ALG13: variants seen among roughly 807,000 people sequenced by gnomAD.
ALG13 encodes ALG13 UDP-N-acetylglucosaminyltransferase subunit, also known as UDP-N-acetylglucosamine transferase subunit ALG13.
In ALG13, 11 loss-of-function variants were observed where a neutral mutation model predicts 87.8. That is an observed-to-expected ratio of 0.13 (90% CI 0.08 to 0.21). The LOEUF (loss-of-function observed/expected upper bound fraction) is 0.21, where lower values mean the gene tolerates loss of function less well. ALG13 is among the 10% of genes least tolerant of loss of function. The pLI is 1.00. For synonymous variants in ALG13, 320 were observed against 306.3 expected (o/e 1.04, Z -0.47); for missense variants, 756 against 866.1 (o/e 0.87, Z 1.60).
chrX:111,715,188 T>TG (rs2148071749), intron 8 of ALG13, among the ~76,000 whole-genome samples: 1 of 111,960 alleles, frequency 8.9e-6, no homozygotes, highest in South Asian at 3.7e-4. Flanking sequence ...TCAGACCTTT[T>TG]GAGTGTGTAC....
intron 25 of ALG13, 124 bp from the exon 26 acceptor site, chrX:111,757,464 C>CCT: frequency 2.0e-6 from 1 of 498,997 alleles, no homozygotes; most frequent in Non-Finnish European, 3.1e-6. Context: ...GTCATTGCTA[C>CCT]CTCACCTGAA....
At chrX:111,707,798 C>T (rs1225359271) in intron 3 of ALG13, among the ~76,000 whole-genome samples, 5 of 111,684 alleles carry the variant, frequency 4.5e-5, no homozygotes, top group East Asian at 2.8e-4. Flanking sequence ...TTTTCAGCCT[C>T]GTGCAGCAGT....
At chrX:111,702,424 G>A (rs1938042807) in intron 3 of ALG13, among the ~76,000 whole-genome samples, 1 of 111,605 alleles carries the variant, frequency 9.0e-6, no homozygotes, top group African/African-American at 3.3e-5. Context: ...GCCATGTAGT[G>A]TTCAATGATT....
At chrX:111,689,145 G>A (rs973063736) in intron 3 of ALG13, 2 of 674,583 alleles carry the variant, frequency 3.0e-6, no homozygotes, top group African/African-American at 4.8e-5. Flanking sequence ...AATACTCTGG[G>A]TAGCAGGAGG....
chrX:111,744,322 T>A (rs1439182850), intron 23 of ALG13, among the ~76,000 whole-genome samples: 1 of 112,031 alleles, frequency 8.9e-6, no homozygotes, highest in African/African-American at 3.2e-5. Flanking sequence ...CATTCTTAAA[T>A]TTGCATTGGG....
chrX:111,682,928 T>C (rs1035217473), intron 2 of ALG13, among the ~76,000 whole-genome samples: 1 of 112,107 alleles, frequency 8.9e-6, no homozygotes, highest in Non-Finnish European at 1.9e-5. Context: ...ATTAGACTTC[T>C]AGTGCATTCA....
intron 8 of ALG13, among the ~76,000 whole-genome samples, chrX:111,715,198 C>T (rs1310082895): frequency 1.8e-5 from 2 of 111,820 alleles, no homozygotes; most frequent in Non-Finnish European, 3.8e-5. Context: ...TGAGTGTGTA[C>T]AACCTACAAA....
chrX:111,757,682 C>G lies in ALG13; in HGVS notation c.3068C>G (p.Pro1023Arg). 8.3e-7 allele frequency: 1 copy of G among 1,209,838 alleles called. No homozygotes were observed. Among genetic ancestry groups the G allele is most frequent in the South Asian group, 1.8e-5 (1 of 56,881 alleles). The change falls in exon 26 of 27, where the codon CCT (proline) becomes CGT (arginine). Residue 1023 changes from proline (P) to arginine (R), a missense_variant. This residue lies in a region of ALG13 where 110 missense variants were observed against 104.9 expected (regional missense o/e 1.05). Transcript: ENST00000394780. Reference sequence around the variant, plus strand: ...AATTATCCAGTCTATACTGAGCCACCTCTGGTAGATCAAACCGTTCCTCAA... The same window carrying G: ...AATTATCCAGTCTATACTGAGCCACGTCTGGTAGATCAAACCGTTCCTCAA... Reference protein sequence around the residue: ...VENYPVYTEPPLVDQTVPQCY... With the variant: ...VENYPVYTEPRLVDQTVPQCY...
In ALG13 at chrX:111,708,340, C is replaced by A; in HGVS notation, c.697C>A (p.Arg233=). The A allele has an allele frequency of 8.3e-7, 1 of 1,211,488 alleles. No individual in the cohort carries two copies. Residue 233 remains arginine, a synonymous_variant, in exon 4 of 27, where the codon CGA becomes AGA. Coordinates refer to ENST00000394780, the MANE Select transcript of ALG13 (RefSeq NM_001099922.3). ...ATATTTAGGCAGCTTAGGGCTGTTT[C>A]GAAAGCTGACTGCCAAGGATGCCTC... The part of the protein sequence containing the change: ...DEYLGSLGLF[R]KLTAKDASCL...
chrX:111,682,658 A>G (rs1933748630), intron 2 of ALG13, among the ~76,000 whole-genome samples: 1 of 112,255 alleles, frequency 8.9e-6, no homozygotes, highest in Non-Finnish European at 1.9e-5. Context: ...CCTTTACAAT[A>G]AAAAACCCTA....
In ALG13 at chrX:111,736,856, C is replaced by T. The variant is rs200066623; in HGVS notation, c.2672C>T (p.Ser891Phe). The part of the protein sequence containing the change: ...SQNAIQPLFV[S>F]PPTHGRPVIA... ...AATGCTATACAGCCTCTCTTTGTAT[C>T]TCCACCTACACACGGCAGGCCAGGT... Residue 891 changes from serine to phenylalanine, a missense_variant, in exon 23 of 27, where the codon TCT becomes TTT. By Grantham distance (155) the Ser-to-Phe change is radical. Transcript: ENST00000394780. 3.0e-3 allele frequency: 3,623 copies of T among 1,206,632 alleles called. 25 individuals carry two copies. The highest frequency in any genetic ancestry group is 1.7e-3 in the Non-Finnish European group (1,549 of 893,721).
chrX:111,681,676 C>G lies in ALG13; in HGVS notation c.81+377C>G, dbSNP rs1390742031. The G allele has an allele frequency of 3.6e-5, 31 of 864,442 alleles. No individual in the cohort carries two copies. In the South Asian group the frequency reaches 1.2e-3, roughly 33 times the overall value. 71.2% of individuals were successfully genotyped at this position (864,442 alleles called of 1,213,427 possible). ...CTCGGCAGTTTTTCCTCAGGCCCCCCTGTGGACCGCACGTCGGCGCCGGCG... is the reference window on the plus strand; with the variant it reads ...CTCGGCAGTTTTTCCTCAGGCCCCCGTGTGGACCGCACGTCGGCGCCGGCG... On this transcript the variant is annotated intron_variant, in intron 1 of 26. Coordinates refer to ENST00000394780, the MANE Select transcript of ALG13 (RefSeq NM_001099922.3).
Position 111,760,248 on chromosome X carries a change from C to A in ALG13, c.*249C>A. 1 of 324,869 alleles carries A rather than the reference C, an allele frequency of 3.1e-6. No homozygotes were observed. Among genetic ancestry groups the A allele is most frequent in the Non-Finnish European group, 5.3e-6 (1 of 189,409 alleles). The allele number at this position is 324,869 out of a possible 1,213,427, so 26.8% of individuals were successfully genotyped here. A position where few individuals can be genotyped will look rare whatever the true frequency, so the allele number is the denominator to read the frequency against. ...ATTGAGCATACTTCATTGTATTCAG[C>A]TGTTTTCCTGTCAGCCATTTGTCAG... On this transcript the variant is annotated 3_prime_UTR_variant, in exon 27 of 27. Transcript: ENST00000394780.
chrX:111,711,810 C>A, intron 6 of ALG13, 85 bp downstream of exon 6: 1 of 919,738 alleles, frequency 1.1e-6, no homozygotes, highest in Non-Finnish European at 1.5e-6. Context: ...ATTATTTTAG[C>A]CAGACCCCAA....
intron 21 of ALG13, among the ~76,000 whole-genome samples, chrX:111,732,119 A>G: frequency 8.9e-6 from 1 of 111,741 alleles, no homozygotes; most frequent in East Asian, 2.8e-4. Flanking sequence ...ATTCCCTTTC[A>G]TTCCTGCCTG....
At chrX:111,724,429 A>G (rs1361610752) in intron 14 of ALG13, among the ~76,000 whole-genome samples, 1 of 112,051 alleles carries the variant, frequency 8.9e-6, no homozygotes, top group Non-Finnish European at 1.9e-5. Flanking sequence ...TGCTGCTCTA[A>G]CAACCAAAAC....
intron 19 of ALG13, among the ~76,000 whole-genome samples, chrX:111,730,194 T>C (rs1942519358): frequency 8.9e-6 from 1 of 112,299 alleles, no homozygotes; most frequent in South Asian, 3.7e-4. Flanking sequence ...GAGGAGAAAT[T>C]TGTACAGCTT....
chrX:111,700,699 G>A (rs927893860), intron 3 of ALG13, among the ~76,000 whole-genome samples: 3 of 104,282 alleles, frequency 2.9e-5, no homozygotes, highest in African/African-American at 7.0e-5. Context: ...GCCTCAGCCT[G>A]CTGAGTAGCT....
intron 3 of ALG13, among the ~76,000 whole-genome samples, chrX:111,693,938 A>G (rs1411532158): frequency 8.9e-6 from 1 of 111,908 alleles, no homozygotes; most frequent in African/African-American, 3.2e-5. Context: ...GTCATTGTTT[A>G]TTACTATTTT....
Sources: allele counts gnomAD v4.1 joint callset (sites outside exome capture counted in the v4.1 genomes callset), GRCh38; gene constraint gnomAD v4.1.1; regional missense constraint gnomAD v4.1.1; transcripts MANE v1.5; gene names NCBI Gene and HGNC (gene_info 2026-07-23, HGNC 2026-07-21).